The following MGAT4C variants were observed in gnomAD, a reference collection of about 807,000 sequenced individuals.
The protein encoded by MGAT4C is MGAT4 family member C.
In MGAT4C, 19 loss-of-function variants were observed where a neutral mutation model predicts 40.1. That is an observed-to-expected ratio of 0.47 (90% CI 0.33 to 0.70). The LOEUF (loss-of-function observed/expected upper bound fraction) is 0.70, where lower values mean the gene tolerates loss of function less well. MGAT4C is among the 30% of genes least tolerant of loss of function. The pLI is 0.02. For missense variants in MGAT4C, 491 were observed against 563.2 expected (o/e 0.87, Z 1.30); for synonymous variants, 181 against 187.1 (o/e 0.97, Z 0.27).
chr12:86,687,422 T>C (rs1213540494), intron 2 of MGAT4C, among the ~76,000 whole-genome samples: 1 of 152,188 alleles, frequency 6.6e-6, no homozygotes, highest in Non-Finnish European at 1.5e-5. Context: ...CTTTTAAGTG[T>C]GATGTTAGGG....
At chr12:86,582,707 G>C (rs1444576589) in intron 2 of MGAT4C, among the ~76,000 whole-genome samples, 1 of 151,272 alleles carries the variant, frequency 6.6e-6, no homozygotes, top group Non-Finnish European at 1.5e-5. Flanking sequence ...GTCTGGTCAA[G>C]TATCCTGGTG....
At chr12:86,706,334 G>T (rs768286294) in intron 2 of MGAT4C, among the ~76,000 whole-genome samples, 27 of 152,218 alleles carry the variant, frequency 1.8e-4, no homozygotes, top group Non-Finnish European at 2.9e-4. Flanking sequence ...CTGAGAATTG[G>T]ATTTTTTAGG....
chr12:86,539,208 C>T (rs1050956091), intron 2 of MGAT4C, among the ~76,000 whole-genome samples: 3 of 150,398 alleles, frequency 2.0e-5, no homozygotes, highest in East Asian at 2.0e-4. Flanking sequence ...CGGTGTATGA[C>T]GTTCCCCTTC....
intron 2 of MGAT4C, among the ~76,000 whole-genome samples, chr12:86,512,351 G>A (rs1236579314): frequency 3.3e-5 from 5 of 152,060 alleles, no homozygotes; most frequent in East Asian, 1.9e-4. Flanking sequence ...AGAGTATGGC[G>A]GTGCCTTAAA....
In MGAT4C at chr12:86,290,953, A is replaced by G. The variant is rs548515744; in HGVS notation, c.-57+43112T>C. 5.6e-4 allele frequency among the ~76,000 whole-genome samples: 85 copies of G among 152,298 alleles called. 1 individual carries two copies. In the Middle Eastern group the frequency reaches 0.031, roughly 55 times the overall value. ...AGTGAAAGGGAATAAGGAAGCTCGGAAAAAGGTAAGAGTTGAAATTTAAAA... is the reference window on the plus strand; with the variant it reads ...AGTGAAAGGGAATAAGGAAGCTCGGGAAAAGGTAAGAGTTGAAATTTAAAA... On this transcript the variant is annotated intron_variant, in intron 4 of 7. Transcript: ENST00000548651.
intron 1 of MGAT4C, among the ~76,000 whole-genome samples, chr12:86,077,023 C>T (rs1194395325): frequency 6.6e-6 from 1 of 152,156 alleles, no homozygotes; most frequent in African/African-American, 2.4e-5. Flanking sequence ...TTCTTACATT[C>T]TAGCCCTGCT....
chr12:86,420,794 TAC>T lies in MGAT4C; in HGVS notation c.-120+14361_-120+14362del, dbSNP rs1258708312. Among the ~76,000 whole-genome samples, 234 of 147,928 alleles carry T rather than the reference TAC, an allele frequency of 1.6e-3. 2 individuals carry two copies. The highest frequency in any genetic ancestry group is 3.4e-3 in the African/African-American group (138 of 40,610). On this transcript the variant is annotated intron_variant, in intron 3 of 7. Coordinates refer to the MGAT4C transcript ENST00000548651. ...TACCTGACATATATATATATATATA[TAC>T]ACACACACATATATATGTGTGTGTG...
Position 85,966,070 on chromosome 12 carries a change from T to C in MGAT4C, c.*13219A>G, listed in dbSNP as rs1883348732. 1 of 152,192 alleles carries C rather than the reference T, an allele frequency of 6.6e-6. No homozygotes were observed. Among genetic ancestry groups the C allele is most frequent in the African/African-American group, 2.4e-5 (1 of 41,470 alleles). The allele number at this position is 152,192 out of a possible 1,614,324, so 9.4% of individuals were successfully genotyped here. ...TCCTATTATGAGACATTTTATATTA[T>C]GGTTATTTACTGTAATTGCATCCAA... On this transcript the variant is annotated 3_prime_UTR_variant, in exon 5 of 5. Transcript: ENST00000611864.
intron 2 of MGAT4C, among the ~76,000 whole-genome samples, chr12:86,582,053 T>C (rs1052414630): frequency 2.0e-5 from 3 of 151,456 alleles, no homozygotes; most frequent in African/African-American, 7.3e-5. Context: ...GTTTTTGGGT[T>C]GGCATAATGC....
intron 1 of MGAT4C, among the ~76,000 whole-genome samples, chr12:86,731,455 A>C (rs1950906269): frequency 6.6e-6 from 1 of 152,126 alleles, no homozygotes; most frequent in South Asian, 2.1e-4. Flanking sequence ...TAATTTTTCA[A>C]AATCAAGCCA....
chr12:86,589,526 A>T (rs1961228579), intron 2 of MGAT4C, among the ~76,000 whole-genome samples: 1 of 151,930 alleles, frequency 6.6e-6, no homozygotes, highest in Non-Finnish European at 1.5e-5. Context: ...CAATAGAAAA[A>T]GAGGGAATCC....
At chr12:86,022,279 T>G (rs114547929) in intron 2 of MGAT4C, among the ~76,000 whole-genome samples, 1 of 152,224 alleles carries the variant, frequency 6.6e-6, no homozygotes, top group African/African-American at 2.4e-5. Flanking sequence ...TTATGAAGAA[T>G]TTTTAAAAAA....
chr12:86,739,881 T>C (rs973277512), intron 1 of MGAT4C, among the ~76,000 whole-genome samples: 2 of 150,652 alleles, frequency 1.3e-5, no homozygotes, highest in Non-Finnish European at 1.5e-5. Context: ...CACATATATA[T>C]ACACACACAC....
intron 3 of MGAT4C, among the ~76,000 whole-genome samples, chr12:86,398,684 C>G (rs1467742735): frequency 1.3e-5 from 2 of 151,796 alleles, no homozygotes; most frequent in Non-Finnish European, 2.9e-5. Flanking sequence ...CTTCTCCTGC[C>G]CGTCTTTTAC....
intron 2 of MGAT4C, among the ~76,000 whole-genome samples, chr12:86,636,653 G>A (rs1022489499): frequency 6.6e-6 from 1 of 151,964 alleles, no homozygotes; most frequent in Non-Finnish European, 1.5e-5. Context: ...GTAAGTAAAT[G>A]ACACTTTTTC....
intron 4 of MGAT4C, among the ~76,000 whole-genome samples, chr12:86,302,401 G>C (rs4528406): frequency 7.6e-6 from 1 of 132,436 alleles, no homozygotes; most frequent in South Asian, 2.1e-4. Context: ...TGTTTGTTTG[G>C]TTGGTTGGTT....
chr12:86,774,494 C>T (rs4573755), intron 1 of MGAT4C, among the ~76,000 whole-genome samples: 57,825 of 148,842 alleles, frequency 0.39, 11,495 homozygotes, highest in East Asian at 0.47. Flanking sequence ...CGGGTATATT[C>T]GATATATTTC....
At chr12:86,582,527 G>T (rs550527630) in intron 2 of MGAT4C, among the ~76,000 whole-genome samples, 22 of 151,472 alleles carry the variant, frequency 1.5e-4, no homozygotes, top group African/African-American at 5.1e-4. Context: ...ACAGTTGGAA[G>T]GGAACAGAAG....
At chr12:86,433,120 C>T (rs1012113023) in intron 3 of MGAT4C, among the ~76,000 whole-genome samples, 1 of 151,942 alleles carries the variant, frequency 6.6e-6, no homozygotes, top group African/African-American at 2.4e-5. Context: ...GGATATCCTG[C>T]TGTGCCAAAC....
Sources: allele counts gnomAD v4.1 joint callset (sites outside exome capture counted in the v4.1 genomes callset), GRCh38; gene constraint gnomAD v4.1.1; transcripts MANE v1.5; gene names NCBI Gene and HGNC (gene_info 2026-07-23, HGNC 2026-07-21).